CSMD3: variants seen among roughly 807,000 people sequenced by gnomAD.
The protein encoded by CSMD3 is CUB and sushi domain-containing protein 3.
A neutral mutation model predicts 435.2 loss-of-function variants in CSMD3; 177 were observed. The ratio of observed to expected loss-of-function variants is 0.41; its 90% CI spans 0.36 to 0.46. The LOEUF (loss-of-function observed/expected upper bound fraction) is 0.46. Ranked by LOEUF, CSMD3 falls within the 20% of genes least tolerant of loss-of-function variation. The probability of loss-of-function intolerance (pLI) is 0.34; values close to 1 mark genes in which losing one functional copy is unlikely to be tolerated. For missense variants in CSMD3, 4,265 were observed against 4,504.6 expected (o/e 0.95, Z 1.52); for synonymous variants, 1,656 against 1,520.5 (o/e 1.09, Z -2.07).
At chr8:113,394,266 T>G (rs1183288759) in intron 1 of CSMD3, among the ~76,000 whole-genome samples, 2 of 152,078 alleles carry the variant, frequency 1.3e-5, no homozygotes, top group Non-Finnish European at 2.9e-5. Flanking sequence ...CAGTAATGTT[T>G]GGAATCTCTA....
At chr8:112,910,389 C>G (rs918188167) in intron 10 of CSMD3, among the ~76,000 whole-genome samples, 1 of 151,734 alleles carries the variant, frequency 6.6e-6, no homozygotes, top group Non-Finnish European at 1.5e-5. Context: ...ATAACTGTAC[C>G]TACTTTACAG....
chr8:112,951,061 C>T lies in CSMD3; in HGVS notation c.1421-3184G>A, dbSNP rs144696318. Among the ~76,000 whole-genome samples the T allele has an allele frequency of 6.6e-3, 1,005 of 151,764 alleles. 12 individuals carry two copies. Among genetic ancestry groups the T allele is most frequent in the African/African-American group, 0.023 (963 of 41,436 alleles). On this transcript the variant is annotated intron_variant, in intron 8 of 70. Transcript: ENST00000297405. ...ATAATGAGAGAGCTTCTGTGTGGTA[C>T]GTGTATTTAATGTTAACTGTAAATA... is the stretch of plus-strand genomic sequence containing the variant.
chr8:113,214,343 C>T (rs2092875776), intron 3 of CSMD3, among the ~76,000 whole-genome samples: 1 of 151,854 alleles, frequency 6.6e-6, no homozygotes, highest in Non-Finnish European at 1.5e-5. Flanking sequence ...AATTGAGGAG[C>T]AGATATAGGT....
chr8:112,320,608 T>C (rs1384498796), intron 45 of CSMD3, among the ~76,000 whole-genome samples: 1 of 151,714 alleles, frequency 6.6e-6, no homozygotes, highest in African/African-American at 2.4e-5. Context: ...TCATTTACAT[T>C]AGGTATATCT....
chr8:112,723,701 C>T (rs1461052428), intron 13 of CSMD3, among the ~76,000 whole-genome samples: 1 of 152,014 alleles, frequency 6.6e-6, no homozygotes, highest in Non-Finnish European at 1.5e-5. Flanking sequence ...GTTTAAATCC[C>T]ATCTTTAAAT....
chr8:112,828,512 C>T (rs889189638), intron 12 of CSMD3, among the ~76,000 whole-genome samples: 2 of 152,142 alleles, frequency 1.3e-5, no homozygotes, highest in Non-Finnish European at 2.9e-5. Context: ...CTGCCACCAT[C>T]CTGGCTTCCC....
In CSMD3 at chr8:113,120,465, C is replaced by A. The variant is rs531761277; in HGVS notation, c.710-21502G>T. Among the ~76,000 whole-genome samples, 44 of 152,002 alleles carry A rather than the reference C, an allele frequency of 2.9e-4. 1 individual carries two copies. In the East Asian group the frequency reaches 7.9e-3, roughly 27 times the overall value. On this transcript the variant is annotated intron_variant, in intron 4 of 70. Transcript: ENST00000297405. ...ATACATACATAAATATTTTAAAATTCAAAGTCGTGAACAAAGAAAATAAAA... is the reference window on the plus strand; with the variant it reads ...ATACATACATAAATATTTTAAAATTAAAAGTCGTGAACAAAGAAAATAAAA...
intron 10 of CSMD3, among the ~76,000 whole-genome samples, chr8:112,917,182 T>C (rs1185144173): frequency 1.3e-5 from 2 of 151,942 alleles, no homozygotes; most frequent in African/African-American, 2.4e-5. Flanking sequence ...TCGAACACTT[T>C]AGAGGCATTG....
chr8:113,305,156 T>C (rs935394767), intron 2 of CSMD3, among the ~76,000 whole-genome samples: 15 of 90,808 alleles, frequency 1.7e-4, no homozygotes, highest in African/African-American at 6.5e-4. Flanking sequence ...TGTTGTGGGG[T>C]TGGGGGAGGG....
intron 2 of CSMD3, among the ~76,000 whole-genome samples, chr8:113,298,754 A>G (rs1421505997): frequency 6.6e-6 from 1 of 152,092 alleles, no homozygotes; most frequent in Non-Finnish European, 1.5e-5. Context: ...GCAGAGATGA[A>G]AAACTCACAA....
In CSMD3 at chr8:112,626,647, C is replaced by T. The variant is rs182773064; in HGVS notation, c.3715+10170G>A. On this transcript the variant is annotated intron_variant, in intron 22 of 70. Transcript: ENST00000297405. ...TAATTTTAGGTACTGTCAGTCTATT[C>T]CAATTTCAATTAAATCCTACCCTCT... is the stretch of plus-strand genomic sequence containing the variant. Among the ~76,000 whole-genome samples, 256 of 152,190 alleles carry T rather than the reference C, an allele frequency of 1.7e-3. 3 individuals carry two copies. The highest frequency in any genetic ancestry group is 5.9e-3 in the African/African-American group (246 of 41,544).
At chr8:112,384,214 T>A (rs866227458) in intron 36 of CSMD3, among the ~76,000 whole-genome samples, 5 of 152,192 alleles carry the variant, frequency 3.3e-5, no homozygotes, top group African/African-American at 1.2e-4. Context: ...AACACGCATA[T>A]TTTTAATAAG....
intron 54 of CSMD3, 137 bp from the exon 55 acceptor site, chr8:112,292,847 G>C: frequency 1.3e-6 from 1 of 762,486 alleles, no homozygotes; most frequent in Middle Eastern, 3.6e-4. Flanking sequence ...GAAATATACG[G>C]AAAGTACATT....
chr8:113,130,045 A>G (rs144793196), intron 4 of CSMD3, among the ~76,000 whole-genome samples: 2 of 152,126 alleles, frequency 1.3e-5, no homozygotes, highest in East Asian at 3.9e-4. Context: ...TTAAAATATG[A>G]TCAAAATAAT....
chr8:112,478,322 C>A (rs1179450699), intron 31 of CSMD3, among the ~76,000 whole-genome samples: 1 of 151,962 alleles, frequency 6.6e-6, no homozygotes, highest in African/African-American at 2.4e-5. Flanking sequence ...GTTTTGAGGC[C>A]TCAGAAGATA....
chr8:112,732,298 T>C (rs1384592567), intron 13 of CSMD3, among the ~76,000 whole-genome samples: 2 of 152,122 alleles, frequency 1.3e-5, no homozygotes, highest in Non-Finnish European at 2.9e-5. Flanking sequence ...AGTTAAGTTG[T>C]CTCTCTTAAC....
At chr8:113,358,876 A>G (rs901470211) in intron 1 of CSMD3, among the ~76,000 whole-genome samples, 2 of 152,166 alleles carry the variant, frequency 1.3e-5, no homozygotes, top group African/African-American at 2.4e-5. Context: ...CATGCCACAT[A>G]GCAAAATAAA....
intron 12 of CSMD3, among the ~76,000 whole-genome samples, chr8:112,829,026 G>T (rs2079783514): frequency 6.6e-6 from 1 of 150,934 alleles, no homozygotes; most frequent in African/African-American, 2.4e-5. Flanking sequence ...AAAAGAAGAG[G>T]GAGAAGAGAA....
At chr8:112,720,545 G>C (rs1339737044) in intron 13 of CSMD3, among the ~76,000 whole-genome samples, 1 of 152,078 alleles carries the variant, frequency 6.6e-6, no homozygotes, top group Non-Finnish European at 1.5e-5. Context: ...GGCCTATACG[G>C]ACCCTACATA....
Sources: allele counts gnomAD v4.1 joint callset (sites outside exome capture counted in the v4.1 genomes callset), GRCh38; gene constraint gnomAD v4.1.1; transcripts MANE v1.5; gene names NCBI Gene and HGNC (gene_info 2026-07-23, HGNC 2026-07-21).